PLCB1: variants seen among roughly 807,000 people sequenced by gnomAD.
PLCB1 encodes 1-phosphatidylinositol 4,5-bisphosphate phosphodiesterase beta-1.
PLCB1 carries 46 observed loss-of-function variants against 161.8 expected under a neutral mutation model. That is an observed-to-expected ratio of 0.28 (90% CI 0.22 to 0.36). The LOEUF (loss-of-function observed/expected upper bound fraction) is 0.36. Among genes scored for constraint, PLCB1 ranks in the 10% least tolerant of loss-of-function variants. PLCB1 has a pLI of 1.00. For missense variants in PLCB1, 1,016 were observed against 1,472.5 expected (o/e 0.69, Z 5.07); for synonymous variants, 517 against 503.7 (o/e 1.03, Z -0.35).
At chr20:8,389,045 T>C (rs1382274661) in intron 3 of PLCB1, among the ~76,000 whole-genome samples, 1 of 152,194 alleles carries the variant, frequency 6.6e-6, no homozygotes, top group Non-Finnish European at 1.5e-5. Flanking sequence ...CATTCAATAG[T>C]GCACAAGATA....
intron 9 of PLCB1, among the ~76,000 whole-genome samples, chr20:8,681,023 C>G (rs1490075995): frequency 6.9e-6 from 1 of 144,280 alleles, no homozygotes; most frequent in Non-Finnish European, 1.5e-5. Context: ...CATACACATA[C>G]AAACACATAC....
chr20:8,736,698 C>T (rs1201488944), intron 19 of PLCB1, among the ~76,000 whole-genome samples: 1 of 152,160 alleles, frequency 6.6e-6, no homozygotes, highest in Non-Finnish European at 1.5e-5. Context: ...GAGGGGGGAA[C>T]TGCCACACAC....
intron 3 of PLCB1, among the ~76,000 whole-genome samples, chr20:8,522,609 T>C (rs1213461638): frequency 6.6e-6 from 1 of 152,014 alleles, no homozygotes; most frequent in Admixed American, 6.6e-5. Context: ...AATGAAACAG[T>C]CTCCTGTGCA....
At chr20:8,488,203 A>T (rs948849888) in intron 3 of PLCB1, among the ~76,000 whole-genome samples, 5 of 152,190 alleles carry the variant, frequency 3.3e-5, no homozygotes, top group Admixed American at 6.5e-5. Context: ...GATTCAAGTG[A>T]GTCTAGGAAT....
intron 31 of PLCB1, 107 bp from the exon 32 acceptor site, chr20:8,881,515 A>AAT: frequency 1.2e-6 from 1 of 804,252 alleles, no homozygotes; most frequent in Non-Finnish European, 2.1e-6. Flanking sequence ...ATTTTAAGTT[A>AAT]ATGTATTCAT....
intron 3 of PLCB1, among the ~76,000 whole-genome samples, chr20:8,466,490 C>A (rs1448958993): frequency 2.0e-5 from 3 of 151,460 alleles, no homozygotes; most frequent in African/African-American, 7.3e-5. Flanking sequence ...TAAAAAAAAA[C>A]AAAAGAGCTG....
At chr20:8,826,278 G>A (rs1276539578) in intron 31 of PLCB1, among the ~76,000 whole-genome samples, 1 of 151,992 alleles carries the variant, frequency 6.6e-6, no homozygotes, top group Non-Finnish European at 1.5e-5. Context: ...GGTGGATCAC[G>A]AGGTCAGGAG....
rs57357454 is a variant in PLCB1 at position 8,689,085 on chromosome 20, ATTTT to A, written c.1009+4018_1009+4021del. ...TCCTTTTTTAGGTATATTCCTCAGT[ATTTT>A]TTTTTTTTTTGCAGCTATTGTAAAA... is the stretch of plus-strand genomic sequence containing the variant. On this transcript the variant is annotated intron_variant, in intron 10 of 31. Transcript: ENST00000338037. Among the ~76,000 whole-genome samples, 6 of 142,634 alleles carry A rather than the reference ATTTT, an allele frequency of 4.2e-5. No individual in the cohort carries two copies. In the South Asian group the frequency reaches 8.9e-4, roughly 21 times the overall value. 93.6% of individuals were successfully genotyped at this position (142,634 alleles called of 152,430 possible). A position where few individuals can be genotyped will look rare whatever the true frequency, so the allele number is the denominator to read the frequency against.
intron 4 of PLCB1, chr20:8,628,741 C>G (rs993448964): frequency 4.1e-5 from 9 of 218,974 alleles, no homozygotes; most frequent in Non-Finnish European, 7.5e-5. Context: ...TTGAGATGAG[C>G]CTGGCCAACA....
intron 3 of PLCB1, among the ~76,000 whole-genome samples, chr20:8,422,086 A>G (rs1012449421): frequency 6.6e-6 from 1 of 152,230 alleles, no homozygotes; most frequent in Admixed American, 6.5e-5. Flanking sequence ...GGCCTGAGTG[A>G]GTCTTTACAA....
chr20:8,613,265 A>G (rs2123176924), intron 3 of PLCB1, among the ~76,000 whole-genome samples: 1 of 152,340 alleles, frequency 6.6e-6, no homozygotes, highest in African/African-American at 2.4e-5. Context: ...AAATGACATC[A>G]ATGACCACAA....
In PLCB1 at chr20:8,629,825, C is replaced by CTTTTCTTTCT. The variant is rs11087813; in HGVS notation, c.384+1397_384+1398insTCTTTCTTTT. On this transcript the variant is annotated intron_variant, in intron 4 of 31. Coordinates refer to ENST00000338037, the MANE Select transcript of PLCB1 (RefSeq NM_015192.4). ...TTTCTTTCTTTTCTTTCTTTTCTTT[C>CTTTTCTTTCT]TTTCTTTCTTTCTTTCTTTCTTTCT... Among the ~76,000 whole-genome samples the CTTTTCTTTCT allele has an allele frequency of 1.1e-3, 78 of 71,814 alleles. No homozygotes were observed. In the East Asian group the frequency reaches 0.015, roughly 14 times the overall value. 47.1% of individuals were successfully genotyped at this position (71,814 alleles called of 152,430 possible). A position where few individuals can be genotyped will look rare whatever the true frequency, so the allele number is the denominator to read the frequency against.
chr20:8,147,322 T>C (rs2051463276), intron 1 of PLCB1, among the ~76,000 whole-genome samples: 1 of 152,224 alleles, frequency 6.6e-6, no homozygotes, highest in Non-Finnish European at 1.5e-5. Context: ...ACACATGTTA[T>C]AGATGTTGAT....
At chr20:8,479,422 T>G (rs1292594040) in intron 3 of PLCB1, among the ~76,000 whole-genome samples, 1 of 152,260 alleles carries the variant, frequency 6.6e-6, no homozygotes, top group Non-Finnish European at 1.5e-5. Flanking sequence ...TCATTCTATA[T>G]GAGCTTTAAT....
rs539572966 is a variant in PLCB1, at chr20:8,576,201, G to A, written c.247-52093G>A. 2.7e-4 allele frequency among the ~76,000 whole-genome samples: 41 copies of A among 152,144 alleles called. 2 individuals carry two copies. The South Asian group carries it at 7.3e-3, about 27-fold the overall frequency. ...TTCTGCCTAATTTTCATTAAAAGTGGTAGTTTAGTCTGTCCTCCTGAAGCA... is the reference window on the plus strand; with the variant it reads ...TTCTGCCTAATTTTCATTAAAAGTGATAGTTTAGTCTGTCCTCCTGAAGCA... On this transcript the variant is annotated intron_variant, in intron 3 of 31. Coordinates refer to ENST00000338037, the MANE Select transcript of PLCB1 (RefSeq NM_015192.4).
intron 3 of PLCB1, among the ~76,000 whole-genome samples, chr20:8,581,387 G>A (rs1033892215): frequency 2.0e-5 from 3 of 152,134 alleles, no homozygotes; most frequent in African/African-American, 7.2e-5. Context: ...GGATATAGGA[G>A]GTGAAGGTGA....
intron 26 of PLCB1, among the ~76,000 whole-genome samples, chr20:8,771,339 T>G (rs1982666216): frequency 6.6e-6 from 1 of 152,200 alleles, no homozygotes; most frequent in Admixed American, 6.5e-5. Context: ...TACTAATAGT[T>G]TGAAATTACA....
chr20:8,644,667 G>A (rs1030717060), intron 4 of PLCB1, among the ~76,000 whole-genome samples: 4 of 151,520 alleles, frequency 2.6e-5, no homozygotes, highest in East Asian at 2.0e-4. Flanking sequence ...AGTGAGGAGC[G>A]TCTCCGCCCG....
intron 3 of PLCB1, among the ~76,000 whole-genome samples, chr20:8,495,352 C>T (rs1374281836): frequency 1.3e-5 from 2 of 149,068 alleles, no homozygotes; most frequent in Non-Finnish European, 3.0e-5. Flanking sequence ...ACTTTGAGTT[C>T]AGCCGGTGTT....
Sources: gnomAD v4.1 joint callset for allele counts (sites outside exome capture counted in the v4.1 genomes callset) on GRCh38, gnomAD v4.1.1 for gene constraint, MANE v1.5 for transcripts, NCBI Gene and HGNC (gene_info 2026-07-23, HGNC 2026-07-21) for gene names.